Variants in PRKD1 observed in about 807,000 individuals in gnomAD.
The protein encoded by PRKD1 is protein kinase D1.
A neutral mutation model predicts 95.9 loss-of-function variants in PRKD1; 63 were observed. The ratio of observed to expected loss-of-function variants is 0.66; its 90% CI spans 0.54 to 0.81. PRKD1 has a LOEUF of 0.81. Ranked by LOEUF, PRKD1 falls within the 30% of genes least tolerant of loss-of-function variation. The pLI, the probability that PRKD1 is intolerant of heterozygous loss-of-function variation, is 0.00. For missense variants in PRKD1, 1,048 were observed against 1,165.3 expected (o/e 0.90, Z 1.47); for synonymous variants, 425 against 423.1 (o/e 1.00, Z -0.05).
At chr14:29,810,446 C>G (rs1385463392) in intron 1 of PRKD1, among the ~76,000 whole-genome samples, 1 of 152,216 alleles carries the variant, frequency 6.6e-6, no homozygotes, top group East Asian at 1.9e-4. Flanking sequence ...TTTTCTTATG[C>G]TAATACTTCA....
intron 1 of PRKD1, among the ~76,000 whole-genome samples, chr14:29,850,453 AACACACAC>A (rs57312847): frequency 1.4e-5 from 2 of 147,806 alleles, no homozygotes; most frequent in African/African-American, 5.0e-5. Flanking sequence ...CCCCATTCAA[AACACACAC>A]ACACACACAC....
intron 1 of PRKD1, among the ~76,000 whole-genome samples, chr14:29,780,810 A>C (rs1020436063): frequency 6.6e-6 from 1 of 152,184 alleles, no homozygotes; most frequent in Non-Finnish European, 1.5e-5. Context: ...AAGGATTATA[A>C]ATCATGCTGC....
At chr14:29,798,466 C>A (rs1206793785) in intron 1 of PRKD1, among the ~76,000 whole-genome samples, 1 of 152,102 alleles carries the variant, frequency 6.6e-6, no homozygotes, top group Admixed American at 6.5e-5. Flanking sequence ...AAGCCCAGAA[C>A]ATTAAGGATC....
chr14:29,685,172 G>A (rs1883784641), intron 2 of PRKD1, among the ~76,000 whole-genome samples: 1 of 152,178 alleles, frequency 6.6e-6, no homozygotes, highest in African/African-American at 2.4e-5. Context: ...CCACTTGGTA[G>A]AAGCTTGACT....
At chr14:29,615,941 A>G (rs1878823990) in intron 13 of PRKD1, among the ~76,000 whole-genome samples, 1 of 152,152 alleles carries the variant, frequency 6.6e-6, no homozygotes, top group African/African-American at 2.4e-5. Flanking sequence ...TGAGGGCAGT[A>G]CAGCAAAGTG....
At chr14:29,919,492 C>A (rs1482877443) in intron 1 of PRKD1, among the ~76,000 whole-genome samples, 2 of 152,124 alleles carry the variant, frequency 1.3e-5, no homozygotes, top group Admixed American at 6.5e-5. Context: ...TTCTCTGCTG[C>A]CAAATAACTT....
intron 1 of PRKD1, among the ~76,000 whole-genome samples, chr14:29,790,007 C>CTTT (rs34880091): frequency 0.014 from 1,387 of 97,296 alleles, 81 homozygotes; most frequent in Admixed American, 0.051. Context: ...AGCAAGTTGT[C>CTTT]TTTTTTTTTT....
chr14:29,831,003 T>C (rs1891387028), intron 1 of PRKD1, among the ~76,000 whole-genome samples: 1 of 152,178 alleles, frequency 6.6e-6, no homozygotes, highest in African/African-American at 2.4e-5. Flanking sequence ...TTTTCTAAAA[T>C]AAGTCTATAA....
In PRKD1 at chr14:29,755,079, C is replaced by A. The variant is rs1887636460; in HGVS notation, c.265-29405G>T. On this transcript the variant is annotated intron_variant, in intron 1 of 17. Transcript: ENST00000331968. Reference sequence around the variant, plus strand: ...CCGTTAAAATTTCTAGTTGATTTTTCCTGGTATAGAAAAATATTATTGATT... The same window carrying A: ...CCGTTAAAATTTCTAGTTGATTTTTACTGGTATAGAAAAATATTATTGATT... Among the ~76,000 whole-genome samples, 5 of 151,990 alleles carry A rather than the reference C, an allele frequency of 3.3e-5. No homozygotes were observed. In the South Asian group the frequency reaches 1.0e-3, roughly 32 times the overall value.
At chr14:29,805,678 G>C (rs762878062) in intron 1 of PRKD1, among the ~76,000 whole-genome samples, 18 of 152,188 alleles carry the variant, frequency 1.2e-4, no homozygotes, top group Non-Finnish European at 2.1e-4. Context: ...TAGGCAAGGA[G>C]AGGTTAAAAA....
chr14:29,797,922 C>T (rs1889882805), intron 1 of PRKD1, among the ~76,000 whole-genome samples: 1 of 152,204 alleles, frequency 6.6e-6, no homozygotes, highest in Non-Finnish European at 1.5e-5. Context: ...CCCACTATAA[C>T]TTAAGCTAGA....
chr14:29,849,075 A>C (rs932723363), intron 1 of PRKD1, among the ~76,000 whole-genome samples: 3 of 152,188 alleles, frequency 2.0e-5, no homozygotes, highest in African/African-American at 7.2e-5. Context: ...CCCCACCAAA[A>C]TCTCATGTCA....
At chr14:29,696,937 C>G (rs1212495836) in intron 2 of PRKD1, among the ~76,000 whole-genome samples, 1 of 152,050 alleles carries the variant, frequency 6.6e-6, no homozygotes, top group Non-Finnish European at 1.5e-5. Context: ...GAAGAGAGGC[C>G]ACCTACTTCA....
rs898661700 is a variant in PRKD1 at position 29,906,221 on chromosome 14, G to A, written c.264+21028C>T. Among the ~76,000 whole-genome samples the A allele has an allele frequency of 4.6e-5, 7 of 152,002 alleles. No homozygotes were observed. The South Asian group carries it at 1.0e-3, about 23-fold the overall frequency. On this transcript the variant is annotated intron_variant, in intron 1 of 17. Transcript: ENST00000331968. Reference sequence around the variant, plus strand: ...AAATAAAAATGATTTTTTAAAGTAAGCGTTAAGTTTAAGTCATGTAAAAAG... The same window carrying A: ...AAATAAAAATGATTTTTTAAAGTAAACGTTAAGTTTAAGTCATGTAAAAAG...
rs146145499 is a variant in PRKD1 at position 29,836,099 on chromosome 14, A to G, written c.264+91150T>C. Among the ~76,000 whole-genome samples, 1,245 of 152,312 alleles carry G rather than the reference A, an allele frequency of 8.2e-3. 7 individuals carry two copies. Among genetic ancestry groups the G allele is most frequent in the Admixed American group, 0.015 (223 of 15,294 alleles). ...CAAGCATCACAGAGGAGGTGACATG[A>G]GAGCATGACTAAATCAAAACAGACT... is the stretch of plus-strand genomic sequence containing the variant. On this transcript the variant is annotated intron_variant, in intron 1 of 17. Coordinates refer to ENST00000331968, the MANE Select transcript of PRKD1 (RefSeq NM_002742.3).
intron 4 of PRKD1, 115 bp from the exon 5 acceptor site, chr14:29,639,019 T>C (rs1207764852): frequency 4.0e-6 from 3 of 751,370 alleles, no homozygotes; most frequent in South Asian, 2.2e-5. Flanking sequence ...TGTTTAATAA[T>C]ATGAAATCAT....
chr14:29,905,655 T>C (rs1277054208), intron 1 of PRKD1, among the ~76,000 whole-genome samples: 1 of 152,188 alleles, frequency 6.6e-6, no homozygotes, highest in Non-Finnish European at 1.5e-5. Context: ...TGAAAATCAC[T>C]ACTGTTCCAC....
chr14:29,605,355 A>G (rs1221982485), intron 13 of PRKD1, among the ~76,000 whole-genome samples: 1 of 152,176 alleles, frequency 6.6e-6, no homozygotes, highest in Non-Finnish European at 1.5e-5. Context: ...TCTCTGCTTA[A>G]GTATTTCTCC....
At position 29,638,722 on chromosome 14, in the gene PRKD1, C is replaced by G. The variant is rs1391176129; in HGVS notation, c.879G>C (p.Gly293=). 3.1e-6 allele frequency: 5 copies of G among 1,613,976 alleles called. No homozygotes were observed. In the African/African-American group the frequency reaches 6.7e-5, roughly 22 times the overall value. ...VCQYCKKLLK[G]LFRQGLQCKD... is the part of the protein sequence containing the mutation. Reference sequence around the variant, plus strand: ...TGCACTGCAAGCCCTGCCTGAAAAGCCCCTTCAGAAGCTTCTTGCAGTACT... The same window carrying G: ...TGCACTGCAAGCCCTGCCTGAAAAGGCCCTTCAGAAGCTTCTTGCAGTACT... The change falls in exon 5 of 18, where the codon GGG becomes GGC. Residue 293 remains glycine (G), a synonymous_variant. Coordinates refer to ENST00000331968, the MANE Select transcript of PRKD1 (RefSeq NM_002742.3).
Sources: allele counts gnomAD v4.1 joint callset (sites outside exome capture counted in the v4.1 genomes callset), GRCh38; gene constraint gnomAD v4.1.1; transcripts MANE v1.5; gene names NCBI Gene and HGNC (gene_info 2026-07-23, HGNC 2026-07-21).